The following TRIOBP variants were observed in gnomAD, a reference collection of about 807,000 sequenced individuals.
TRIOBP encodes TRIO and F-actin-binding protein.
Under a neutral mutation model 238.8 loss-of-function variants are expected in TRIOBP, and 169 were observed. That is an observed-to-expected ratio of 0.71 (90% CI 0.62 to 0.80). TRIOBP has a LOEUF of 0.80. Ranked by LOEUF, TRIOBP falls within the 30% of genes least tolerant of loss-of-function variation. The pLI is 0.00. For synonymous variants in TRIOBP, 1,150 were observed against 1,274.4 expected (o/e 0.90, Z 2.08); for missense variants, 2,838 against 3,122.6 (o/e 0.91, Z 2.17).
Position 37,723,580 on chromosome 22 carries a change from G to A in TRIOBP, c.1024G>A (p.Ala342Thr), listed in dbSNP as rs370213163. The change falls in exon 7 of 24, where the codon GCT becomes ACT. Residue 342 changes from alanine to threonine, a missense_variant. Around this residue, in one of 5 missense-constraint regions of TRIOBP, gnomAD observed 535 missense variants for 537.3 expected, o/e 1.00. Transcript: ENST00000644935. ...ASSTQWNTPRASSPSRSTQLD... is the reference protein window; with the variant it reads ...ASSTQWNTPRTSSPSRSTQLD... ...ATCTACACAGTGGAACACCCCCAGA[G>A]CTTCCTCTCCCTCACGAAGCACCCA... The A allele has an allele frequency of 1.9e-5, 30 of 1,613,972 alleles. No homozygotes were observed. The highest frequency in any genetic ancestry group is 2.5e-5 in the Non-Finnish European group (29 of 1,180,024).
At chr22:37,705,635 G>A (rs577047259) in intron 3 of TRIOBP, among the ~76,000 whole-genome samples, 1 of 152,072 alleles carries the variant, frequency 6.6e-6, no homozygotes, top group East Asian at 2.0e-4. Context: ...GAGTGCAGAG[G>A]CGTGATCTCG....
At chr22:37,718,606 G>A (rs916493705) in intron 6 of TRIOBP, among the ~76,000 whole-genome samples, 4 of 152,092 alleles carry the variant, frequency 2.6e-5, no homozygotes, top group Non-Finnish European at 5.9e-5. Flanking sequence ...CTTCTAAATC[G>A]TCCTGCTGAA....
At chr22:37,771,543 G>A (rs2145884451) in intron 21 of TRIOBP, 107 bp from the exon 22 acceptor site, 1 of 957,898 alleles carries the variant, frequency 1.0e-6, no homozygotes, top group Non-Finnish European at 1.7e-6. Flanking sequence ...GCAGATAGGG[G>A]CTGCATTCTA....
intron 6 of TRIOBP, among the ~76,000 whole-genome samples, chr22:37,720,888 C>T (rs149689097): frequency 0.014 from 2,118 of 152,132 alleles, 33 homozygotes; most frequent in African/African-American, 0.042. Flanking sequence ...GACAGAGTCT[C>T]GCTCTGTCAC....
chr22:37,744,113 A>G (rs1045360150), intron 11 of TRIOBP, among the ~76,000 whole-genome samples: 2 of 148,774 alleles, frequency 1.3e-5, no homozygotes, highest in Non-Finnish European at 3.0e-5. Context: ...GGTTCCAGCG[A>G]TTCTCCTGCC....
chr22:37,738,538 T>C (rs566732485), intron 9 of TRIOBP, 104 bp from the exon 10 acceptor site: 2 of 1,068,024 alleles, frequency 1.9e-6, no homozygotes, highest in South Asian at 2.7e-5. Flanking sequence ...GGACGTTAGA[T>C]GGGTGTTGCA....
At chr22:37,706,864 C>T (rs1569032616) in intron 3 of TRIOBP, among the ~76,000 whole-genome samples, 1 of 151,964 alleles carries the variant, frequency 6.6e-6, no homozygotes, top group Non-Finnish European at 1.5e-5. Context: ...GGCTGTGAAA[C>T]TCTCCTTTGG....
chr22:37,722,459 G>T (rs1328867130), intron 6 of TRIOBP, among the ~76,000 whole-genome samples: 1 of 150,262 alleles, frequency 6.7e-6, no homozygotes, highest in Non-Finnish European at 1.5e-5. Context: ...GGGCATGGTG[G>T]CTCACGCCTG....
rs370386947 is a variant in TRIOBP, at chr22:37,740,984, G to A, written c.5274G>A (p.Thr1758=). Residue 1758 remains threonine (T), a synonymous_variant, in exon 11 of 24, where the codon ACG becomes ACA. Transcript: ENST00000644935. ...GGCGGATGCCCGGGGACCGGCCCAC[G>A]CTGTTCAATCCGTTCCTGCTGTCTC... ...TSWRMPGDRP[T]LFNPFLLSLG... The A allele has an allele frequency of 6.1e-5, 95 of 1,560,616 alleles. No homozygotes were observed. The African/African-American group carries it at 7.7e-4, about 13-fold the overall frequency.
rs1329045238 is a variant in TRIOBP at position 37,734,684 on chromosome 22, C to T, written c.4348C>T (p.Gln1450Ter). 1.2e-6 allele frequency: 2 copies of T among 1,604,588 alleles called. No homozygotes were observed. The highest frequency in any genetic ancestry group is 3.4e-5 in the Admixed American group (2 of 58,378). The change falls in exon 9 of 24, where the codon CAG (glutamine) becomes TAG (stop). Residue 1450 changes from glutamine (Q) to a stop codon, truncating the protein, a stop_gained. Transcript: ENST00000644935. LOFTEE classifies it high-confidence loss of function. ...HRHLERSWSSQEGGLGPGGWW... is the reference protein window; with the variant it reads ...HRHLERSWSS The stretch of plus-strand genomic sequence containing the variant: ...ACACCTAGAAAGGAGCTGGAGCAGC[C>T]AGGAGGGAGGCCTGGGCCCTGGGGG...
At position 37,741,005 on chromosome 22, in the gene TRIOBP, G is replaced by C; in HGVS notation, c.5295G>C (p.Leu1765=). The change falls in exon 11 of 24, where the codon CTG becomes CTC. Residue 1765 remains leucine, a synonymous_variant. Transcript: ENST00000644935. ...DRPTLFNPFL[L]SLGVLRWRRP... ...CCACGCTGTTCAATCCGTTCCTGCT[G>C]TCTCTGGGGGTCCTCAGGTGGCGAA... The C allele has an allele frequency of 6.4e-7, 1 of 1,561,470 alleles. No individual in the cohort carries two copies. The highest frequency in any genetic ancestry group is 8.7e-7 in the Non-Finnish European group (1 of 1,152,302).
intron 6 of TRIOBP, among the ~76,000 whole-genome samples, chr22:37,719,093 C>T (rs1337253910): frequency 6.6e-6 from 1 of 150,480 alleles, no homozygotes; most frequent in Non-Finnish European, 1.5e-5. Context: ...GTCCCAGTTA[C>T]TCGGGATGCT....
chr22:37,734,294 T>C, intron 8 of TRIOBP, 105 bp from the exon 9 acceptor site: 1 of 1,093,520 alleles, frequency 9.1e-7, no homozygotes, highest in Non-Finnish European at 1.4e-6. Context: ...TGATTCAGGC[T>C]GCTGTGTGGA....
At chr22:37,770,385 G>C (rs1420721305) in intron 21 of TRIOBP, among the ~76,000 whole-genome samples, 1 of 148,192 alleles carries the variant, frequency 6.7e-6, no homozygotes, top group African/African-American at 2.5e-5. Flanking sequence ...GGGAGGCGGA[G>C]CGTGCAGTGA....
intron 7 of TRIOBP, among the ~76,000 whole-genome samples, chr22:37,732,393 C>G (rs1226828893): frequency 6.6e-6 from 1 of 151,896 alleles, no homozygotes; most frequent in Non-Finnish European, 1.5e-5. Context: ...TGCCTGTAAT[C>G]CCAGCTACTT....
chr22:37,754,830 C>T (rs766378037), intron 12 of TRIOBP, 47 bp from the exon 13 acceptor site: 4 of 1,593,296 alleles, frequency 2.5e-6, no homozygotes, highest in Non-Finnish European at 3.4e-6. Context: ...ACACAGGACA[C>T]CTGTACAATC....
At position 37,725,017 on chromosome 22, in the gene TRIOBP, C is replaced by T. The variant is rs1280145496; in HGVS notation, c.2461C>T (p.Gln821Ter). 1.2e-6 allele frequency: 2 copies of T among 1,613,976 alleles called. No individual in the cohort carries two copies. The highest frequency in any genetic ancestry group is 8.5e-7 in the Non-Finnish European group (1 of 1,179,958). The change falls in exon 7 of 24, where the codon CAG (glutamine) becomes TAG (stop). Residue 821 changes from glutamine (Q) to a stop codon, truncating the protein, a stop_gained. Coordinates refer to ENST00000644935, the MANE Select transcript of TRIOBP (RefSeq NM_001039141.3). LOFTEE classifies it high-confidence loss of function. ...GGACAACCCCAGAACTTGTATTCAA[C>T]AGAACATCCCCAGATCATCTTCTAC... is the stretch of plus-strand genomic sequence containing the variant. The part of the protein sequence containing the change: ...QQDNPRTCIQ[Q>*]NIPRSSSTQQ...
rs759785585 is a variant in TRIOBP, at chr22:37,775,488, A to C, written c.*1708A>C. On this transcript the variant is annotated 3_prime_UTR_variant, in exon 24 of 24. Transcript: ENST00000644935. ...ATCTGGGAAGGGTGTCCTTGGTCTT[A>C]AAAAGAGGCACAAGAGGCCGGGCGC... 4.6e-5 allele frequency: 7 copies of C among 152,124 alleles called. No homozygotes were observed. The highest frequency in any genetic ancestry group is 8.8e-5 in the Non-Finnish European group (6 of 68,034). The allele number at this position is 152,124 out of a possible 1,614,324, so 9.4% of individuals were successfully genotyped here. A position where few individuals can be genotyped will look rare whatever the true frequency, so the allele number is the denominator to read the frequency against.
At chr22:37,766,797 C>T (rs747513306) in intron 18 of TRIOBP, among the ~76,000 whole-genome samples, 41 of 151,718 alleles carry the variant, frequency 2.7e-4, no homozygotes, top group Non-Finnish European at 5.4e-4. Context: ...CCCATCTCTA[C>T]TAAAAATACA....
Sources: gnomAD v4.1 joint callset for allele counts (sites outside exome capture counted in the v4.1 genomes callset) on GRCh38, gnomAD v4.1.1 for gene constraint, gnomAD v4.1.1 regional missense constraint, MANE v1.5 for transcripts, NCBI Gene and HGNC (gene_info 2026-07-23, HGNC 2026-07-21) for gene names.